The following CRTAC1 variants were observed in gnomAD, a reference collection of about 807,000 sequenced individuals.
CRTAC1 encodes cartilage acidic protein 1, also known as acidic secreted protein in cartilage.
A neutral mutation model predicts 67.8 loss-of-function variants in CRTAC1; 37 were observed. That is an observed-to-expected ratio of 0.55 (90% confidence interval 0.42 to 0.72). The LOEUF (loss-of-function observed/expected upper bound fraction) is 0.72, where lower values mean the gene tolerates loss of function less well. Ranked by LOEUF, CRTAC1 falls within the 30% of genes least tolerant of loss-of-function variation. The pLI, the probability that CRTAC1 is intolerant of heterozygous loss-of-function variation, is 0.00. For synonymous variants in CRTAC1, 348 were observed against 371.0 expected (o/e 0.94, Z 0.71); for missense variants, 780 against 931.6 (o/e 0.84, Z 2.12).
rs1294475153 is a variant in CRTAC1, at chr10:98,030,604, C to T, written c.-132G>A. ...GGCCTCGAGCCTCCCGCCCCGACGCCGCGCGCTCGCTTTATACAACTCCAC... is the reference window on the plus strand; with the variant it reads ...GGCCTCGAGCCTCCCGCCCCGACGCTGCGCGCTCGCTTTATACAACTCCAC... On this transcript the variant is annotated 5_prime_UTR_variant, in exon 1 of 15. Transcript: ENST00000370597. This position sits in a 1 kb window ranked among gnomAD's most constrained non-coding sequence, Gnocchi z 4.2. 2 of 497,084 alleles carry T rather than the reference C, an allele frequency of 4.0e-6. No homozygotes were observed. The highest frequency in any genetic ancestry group is 6.2e-6 in the Non-Finnish European group (2 of 320,534). 30.8% of individuals were successfully genotyped at this position (497,084 alleles called of 1,614,324 possible).
At chr10:98,014,258 C>A (rs1842956387) in intron 1 of CRTAC1, among the ~76,000 whole-genome samples, 1 of 152,190 alleles carries the variant, frequency 6.6e-6, no homozygotes. Flanking sequence ...AATCTTGGAT[C>A]CCACTCCAGA....
At chr10:97,896,459 C>T (rs2050460255) in intron 9 of CRTAC1, among the ~76,000 whole-genome samples, 1 of 152,132 alleles carries the variant, frequency 6.6e-6, no homozygotes, top group South Asian at 2.1e-4. Flanking sequence ...TTTTCCAAGA[C>T]CACAAAGTGA....
chr10:97,949,290 G>A (rs1448538857), intron 2 of CRTAC1, among the ~76,000 whole-genome samples: 1 of 152,246 alleles, frequency 6.6e-6, no homozygotes, highest in African/African-American at 2.4e-5. Flanking sequence ...GCTGCTGTGA[G>A]CAGGTGCTGG....
At chr10:97,903,612 A>C (rs2050571049) in intron 7 of CRTAC1, among the ~76,000 whole-genome samples, 1 of 152,004 alleles carries the variant, frequency 6.6e-6, no homozygotes, top group Non-Finnish European at 1.5e-5. Flanking sequence ...CTTCCCTGGG[A>C]TCCTCAAGCC....
chr10:97,954,431 G>T (rs186559386), intron 2 of CRTAC1, among the ~76,000 whole-genome samples: 2 of 152,168 alleles, frequency 1.3e-5, no homozygotes, highest in Non-Finnish European at 2.9e-5. Flanking sequence ...GATTGCTAGA[G>T]CTGGGGTTCA....
At position 97,991,099 on chromosome 10, in the gene CRTAC1, C is replaced by CAAAAAAAAA. The variant is rs757267901; in HGVS notation, c.224+20030_224+20038dup. Among the ~76,000 whole-genome samples the CAAAAAAAAA allele has an allele frequency of 6.2e-3, 111 of 17,970 alleles. 9 individuals carry two copies. The highest frequency in any genetic ancestry group is 0.011 in the African/African-American group (57 of 5,332). The allele number at this position is 17,970 out of a possible 152,430, so 11.8% of individuals were successfully genotyped here. A position where few individuals can be genotyped will look rare whatever the true frequency, so the allele number is the denominator to read the frequency against. ...GGCAACATACGAGAAACCATCTCTACAAAAAAAAAAAAAAAAAAAAAAAAA... is the reference window on the plus strand; with the variant it reads ...GGCAACATACGAGAAACCATCTCTACAAAAAAAAAAAAAAAAAAAAAAAAAAAAAAAAAA... On this transcript the variant is annotated intron_variant, in intron 2 of 14. Coordinates refer to ENST00000370597, the MANE Select transcript of CRTAC1 (RefSeq NM_018058.7).
intron 1 of CRTAC1, among the ~76,000 whole-genome samples, chr10:98,017,963 G>A (rs909274254): frequency 6.6e-6 from 1 of 151,722 alleles, no homozygotes; most frequent in African/African-American, 2.4e-5. Context: ...TTGGGAGGCC[G>A]AGGCAGGCGG....
At chr10:97,915,700 A>G (rs7902541) in intron 5 of CRTAC1, among the ~76,000 whole-genome samples, 4,025 of 149,944 alleles carry the variant, frequency 0.027, 160 homozygotes, top group African/African-American at 0.09. Flanking sequence ...AAGGGGGGCT[A>G]CAGGGTAGTG....
chr10:97,957,974 GA>G (rs1236266192), intron 2 of CRTAC1, among the ~76,000 whole-genome samples: 1 of 152,162 alleles, frequency 6.6e-6, no homozygotes, highest in East Asian at 1.9e-4. Context: ...CTGCACAGGG[GA>G]AAGTCTCTTC....
chr10:98,030,383 G>A lies in CRTAC1; in HGVS notation c.24+66C>T, dbSNP rs886536157. 21 of 1,033,588 alleles carry A rather than the reference G, an allele frequency of 2.0e-5. No individual in the cohort carries two copies. Among genetic ancestry groups the A allele is most frequent in the Admixed American group, 1.7e-4 (4 of 23,412 alleles). 64.0% of individuals were successfully genotyped at this position (1,033,588 alleles called of 1,614,324 possible). Reference sequence around the variant, plus strand: ...CCGCCACCCTTGCGGGCGGATCCGGGGGGGCGCGCAGAGCTGGAGAAACTT... The same window carrying A: ...CCGCCACCCTTGCGGGCGGATCCGGAGGGGCGCGCAGAGCTGGAGAAACTT... On this transcript the variant is annotated intron_variant, in intron 1 of 14. Coordinates refer to ENST00000370597, the MANE Select transcript of CRTAC1 (RefSeq NM_018058.7). The surrounding 1 kb of genome is among the most constrained non-coding windows in gnomAD (Gnocchi z 4.2).
chr10:97,962,853 C>T (rs79775823), intron 2 of CRTAC1, among the ~76,000 whole-genome samples: 1,927 of 150,646 alleles, frequency 0.013, 47 homozygotes, highest in African/African-American at 0.044. Flanking sequence ...GTGGCATCAA[C>T]ATGCCAGGAG....
chr10:97,975,302 G>A lies in CRTAC1; in HGVS notation c.224+35836C>T, dbSNP rs1425890987. Among the ~76,000 whole-genome samples, 8 of 152,036 alleles carry A rather than the reference G, an allele frequency of 5.3e-5. No individual in the cohort carries two copies. Among genetic ancestry groups the A allele is most frequent in the Admixed American group, 5.2e-4 (8 of 15,270 alleles). On this transcript the variant is annotated intron_variant, in intron 2 of 14. Coordinates refer to ENST00000370597, the MANE Select transcript of CRTAC1 (RefSeq NM_018058.7). The surrounding 1 kb of genome is among the most constrained non-coding windows in gnomAD (Gnocchi z 4.8). ...TGTCCTCAGCCCCCTCACGGAGCAC[G>A]GGTGCTGCGGGAGGCGCCAGGGCCG...
intron 2 of CRTAC1, among the ~76,000 whole-genome samples, chr10:97,955,478 T>C (rs2051425721): frequency 6.6e-6 from 1 of 152,260 alleles, no homozygotes; most frequent in Admixed American, 6.5e-5. Context: ...AAGCCTTGTC[T>C]CTAGAGTCAG....
intron 2 of CRTAC1, among the ~76,000 whole-genome samples, chr10:97,979,220 G>A (rs956885151): frequency 6.6e-6 from 1 of 152,170 alleles, no homozygotes; most frequent in Non-Finnish European, 1.5e-5. Flanking sequence ...TAGTCAAACT[G>A]CTAAAGCGTG....
rs567498626 is a variant in CRTAC1 at position 97,901,513 on chromosome 10, G to C, written c.1123C>G (p.Arg375Gly). Residue 375 changes from arginine to glycine, a missense_variant, in exon 8 of 15, where the codon CGC becomes GGC. Arg to Gly is a moderately radical substitution (Grantham distance 125, BLOSUM62 -2). Coordinates refer to ENST00000370597, the MANE Select transcript of CRTAC1 (RefSeq NM_018058.7). ...NIAYRSSSAN[R>G]LFRVIRREHG... ...GGATGGAGCATCTACCGGAAGAGGC[G>C]GTTGGCTGAGGAGCTGCGGTAGGCA... 6.2e-7 allele frequency: 1 copy of C among 1,614,044 alleles called. No homozygotes were observed. The highest frequency in any genetic ancestry group is 8.5e-7 in the Non-Finnish European group (1 of 1,180,036).
chr10:97,874,137 A>G (rs61874781), intron 14 of CRTAC1, among the ~76,000 whole-genome samples: 13,642 of 152,276 alleles, frequency 0.09, 983 homozygotes, highest in African/African-American at 0.2. Flanking sequence ...ACCCGGCAGG[A>G]AAAAGGACCA....
chr10:97,899,686 G>T (rs1447733085), intron 8 of CRTAC1, among the ~76,000 whole-genome samples: 3 of 152,216 alleles, frequency 2.0e-5, no homozygotes, highest in Non-Finnish European at 4.4e-5. Flanking sequence ...TTGATGCTTT[G>T]TTAATAATTA....
intron 1 of CRTAC1, among the ~76,000 whole-genome samples, chr10:98,025,216 G>A (rs546530459): frequency 6.6e-6 from 1 of 152,046 alleles, no homozygotes; most frequent in Non-Finnish European, 1.5e-5. Context: ...CTCCAGTCCC[G>A]GGTTTCTCAA....
intron 7 of CRTAC1, among the ~76,000 whole-genome samples, chr10:97,904,294 C>G (rs1188226068): frequency 6.6e-6 from 1 of 152,220 alleles, no homozygotes; most frequent in East Asian, 1.9e-4. Flanking sequence ...ACTCTGGGCC[C>G]TGAGAGCCTT....
Sources: gnomAD v4.1 joint callset for allele counts (sites outside exome capture counted in the v4.1 genomes callset) on GRCh38, gnomAD v4.1.1 for gene constraint, Gnocchi (gnomAD v3.1) non-coding constraint, MANE v1.5 for transcripts, NCBI Gene and HGNC (gene_info 2026-07-23, HGNC 2026-07-21) for gene names.